The following SEM1 variants were observed in gnomAD, a reference collection of about 807,000 sequenced individuals.
SEM1 encodes 26S proteasome complex subunit SEM1.
SEM1 carries 3 observed loss-of-function variants against 12.7 expected under a neutral mutation model. The observed-to-expected ratio is 0.24, with a 90% CI of 0.11 to 0.61. The LOEUF (loss-of-function observed/expected upper bound fraction) is 0.61. Ranked by LOEUF, SEM1 falls within the 20% of genes least tolerant of loss-of-function variation. The probability of loss-of-function intolerance (pLI) is 0.88; values close to 1 mark genes in which losing one functional copy is unlikely to be tolerated. For missense variants in SEM1, 59 were observed against 81.3 expected, an observed-to-expected ratio of 0.73 and a Z score of 1.06; for synonymous variants, 30 against 27.8, an observed-to-expected ratio of 1.08 and a Z score of -0.25.
intron 2 of SEM1, among the ~76,000 whole-genome samples, chr7:96,595,441 G>A (rs1441047582): frequency 1.3e-5 from 2 of 152,120 alleles, no homozygotes; most frequent in Non-Finnish European, 2.9e-5. Context: ...GAGCCCAGGA[G>A]GTCAAGGTTG....
rs552860990 is a variant in SEM1, at chr7:96,602,063, C to A, written c.170+92735G>T. Among the ~76,000 whole-genome samples, 7 of 152,234 alleles carry A rather than the reference C, an allele frequency of 4.6e-5. No homozygotes were observed. The East Asian group carries it at 1.2e-3, about 25-fold the overall frequency. On this transcript the variant is annotated intron_variant and NMD_transcript_variant, in intron 2 of 3. Transcript: ENST00000466986. ...AGGAAAGATCAGGAGTTCAGTTTCA[C>A]CATGTTACATTAACAATGTCTGTTG...
intron 2 of SEM1, among the ~76,000 whole-genome samples, chr7:96,552,643 A>G (rs1805321749): frequency 6.7e-6 from 1 of 148,506 alleles, no homozygotes; most frequent in Non-Finnish European, 1.5e-5. Context: ...TAATGCCGCA[A>G]TAAACATACG....
At chr7:96,637,422 T>G (rs1256172567) in intron 2 of SEM1, 1 of 152,078 alleles carries the variant, frequency 6.6e-6, no homozygotes, top group African/African-American at 2.4e-5. Context: ...GCAAGGTGTC[T>G]GAGTGCTTTT....
At chr7:96,510,078 T>TA (rs1803891060) in intron 2 of SEM1, among the ~76,000 whole-genome samples, 1 of 152,156 alleles carries the variant, frequency 6.6e-6, no homozygotes, top group South Asian at 2.1e-4. Flanking sequence ...ATTACCATAA[T>TA]AAAAATCACC....
chr7:96,694,900 A>G lies in SEM1; in HGVS notation c.77-9T>C. On this transcript the variant is annotated splice_polypyrimidine_tract_variant and intron_variant, in intron 1 of 2. Transcript: ENST00000248566. ...ATCTAAGCCAGCCCAGTCTAAAAAT[A>G]GAAACAGATGCTGTCTAAATATTTC... 6.4e-7 allele frequency: 1 copy of G among 1,573,290 alleles called. No individual in the cohort carries two copies. The highest frequency in any genetic ancestry group is 8.7e-7 in the Non-Finnish European group (1 of 1,144,614).
intron 2 of SEM1, among the ~76,000 whole-genome samples, chr7:96,681,576 G>A (rs1401176540): frequency 1.3e-5 from 2 of 152,122 alleles, no homozygotes; most frequent in Non-Finnish European, 2.9e-5. Flanking sequence ...GTGTAAGGAA[G>A]GGATCCAGTT....
chr7:96,537,681 T>A (rs1165628587), intron 2 of SEM1, among the ~76,000 whole-genome samples: 1 of 151,802 alleles, frequency 6.6e-6, no homozygotes, highest in Non-Finnish European at 1.5e-5. Flanking sequence ...TTCAAGATTT[T>A]TTCTTTGTGC....
chr7:96,609,219 A>C (rs1807472079), intron 2 of SEM1, among the ~76,000 whole-genome samples: 1 of 152,164 alleles, frequency 6.6e-6, no homozygotes. Flanking sequence ...CCTATTGAGC[A>C]TTAGTGTGCC....
chr7:96,588,062 C>T (rs1382930211), intron 2 of SEM1, among the ~76,000 whole-genome samples: 1 of 152,164 alleles, frequency 6.6e-6, no homozygotes, highest in African/African-American at 2.4e-5. Flanking sequence ...CCTTACACCT[C>T]ATCAAGCCAA....
chr7:96,505,867 G>C (rs1455316991), intron 3 of SEM1, among the ~76,000 whole-genome samples: 1 of 152,042 alleles, frequency 6.6e-6, no homozygotes. Context: ...TGAATTCTAG[G>C]GGGACACAAA....
At chr7:96,552,912 T>C (rs1455380756) in intron 2 of SEM1, among the ~76,000 whole-genome samples, 10 of 149,718 alleles carry the variant, frequency 6.7e-5, no homozygotes, top group Non-Finnish European at 4.5e-5. Flanking sequence ...TGGTATCTCA[T>C]TGTGGTTTTG....
At chr7:96,678,712 C>T (rs1233508067) in intron 2 of SEM1, among the ~76,000 whole-genome samples, 3 of 151,996 alleles carry the variant, frequency 2.0e-5, no homozygotes, top group Non-Finnish European at 4.4e-5. Context: ...TTGACTATTC[C>T]TAAATTTTTC....
chr7:96,646,822 G>A (rs1808809630), intron 2 of SEM1, among the ~76,000 whole-genome samples: 1 of 152,146 alleles, frequency 6.6e-6, no homozygotes, highest in South Asian at 2.1e-4. Context: ...TTTGTTAATA[G>A]CTTCTGAGAG....
chr7:96,517,730 G>C (rs1421129425), intron 2 of SEM1, among the ~76,000 whole-genome samples: 1 of 152,032 alleles, frequency 6.6e-6, no homozygotes, highest in Non-Finnish European at 1.5e-5. Context: ...TCCCATATGT[G>C]TTAAGTTTGG....
intron 2 of SEM1, among the ~76,000 whole-genome samples, chr7:96,682,126 T>C (rs967899958): frequency 2.0e-5 from 3 of 152,078 alleles, no homozygotes; most frequent in Non-Finnish European, 2.9e-5. Context: ...TAGTCCTAGG[T>C]ATTTTATTCT....
downstream of SEM1, chr7:96,688,681 C>A: frequency 3.5e-5 from 10 of 286,028 alleles, no homozygotes; most frequent in Non-Finnish European, 5.1e-5. Context: ...TGAAATTTTA[C>A]TATCTATATA....
At chr7:96,545,904 G>C (rs186410057) in intron 2 of SEM1, among the ~76,000 whole-genome samples, 224 of 152,206 alleles carry the variant, frequency 1.5e-3, no homozygotes, top group Non-Finnish European at 2.8e-3. Context: ...AATGCTATCA[G>C]CTGAGGAGTT....
At chr7:96,518,843 G>A (rs1804179734) in intron 2 of SEM1, among the ~76,000 whole-genome samples, 1 of 152,130 alleles carries the variant, frequency 6.6e-6, no homozygotes, top group Non-Finnish European at 1.5e-5. Flanking sequence ...AGCTAATACT[G>A]TACATGCAAT....
chr7:96,665,178 T>G (rs1481986244), intron 2 of SEM1, among the ~76,000 whole-genome samples: 1 of 152,008 alleles, frequency 6.6e-6, no homozygotes. Flanking sequence ...AGCCTCCCAC[T>G]CCCAGCCAGC....
Sources: allele counts gnomAD v4.1 joint callset (sites outside exome capture counted in the v4.1 genomes callset), GRCh38; gene constraint gnomAD v4.1.1; transcripts MANE v1.5; gene names NCBI Gene and HGNC (gene_info 2026-07-23, HGNC 2026-07-21).